BNC2: variants seen among roughly 807,000 people sequenced by gnomAD.
BNC2 encodes basonuclin zinc finger protein 2.
A neutral mutation model predicts 76.3 loss-of-function variants in BNC2; 20 were observed. The ratio of observed to expected loss-of-function variants is 0.26; its 90% CI spans 0.18 to 0.38. BNC2 has a LOEUF of 0.38. BNC2 is among the 10% of genes least tolerant of loss of function. BNC2 has a pLI of 1.00. For missense variants in BNC2, 1,382 were observed against 1,399.8 expected (o/e 0.99, Z 0.20); for synonymous variants, 582 against 514.8 (o/e 1.13, Z -1.77).
intron 3 of BNC2, among the ~76,000 whole-genome samples, chr9:16,669,337 G>C (rs1822403997): frequency 6.6e-6 from 1 of 152,074 alleles, no homozygotes; most frequent in Non-Finnish European, 1.5e-5. Context: ...CACACCCCCA[G>C]GTTACATTTT....
chr9:16,614,214 C>T (rs10756770), intron 3 of BNC2, among the ~76,000 whole-genome samples: 132,508 of 152,042 alleles, frequency 0.87, 58,890 homozygotes, highest in East Asian at 0.98. Context: ...CTGAGATCTA[C>T]GGAAGAACTT....
chr9:16,836,788 C>G (rs1035169970), intron 1 of BNC2, among the ~76,000 whole-genome samples: 1 of 151,230 alleles, frequency 6.6e-6, no homozygotes, highest in African/African-American at 2.4e-5. Flanking sequence ...GTAGAAGAAC[C>G]AACCTCAAAA....
intron 3 of BNC2, among the ~76,000 whole-genome samples, chr9:16,700,317 GGGA>G (rs1384100422): frequency 6.6e-6 from 1 of 151,766 alleles, no homozygotes; most frequent in Non-Finnish European, 1.5e-5. Flanking sequence ...GGGAAGCCGA[GGGA>G]GGAGGACTGC....
At chr9:16,693,346 G>T (rs1332870436) in intron 3 of BNC2, among the ~76,000 whole-genome samples, 3 of 152,126 alleles carry the variant, frequency 2.0e-5, no homozygotes, top group African/African-American at 7.2e-5. Flanking sequence ...CCAACCCTCT[G>T]GGGGTGGGCA....
At chr9:16,421,133 T>C in intron 6 of BNC2, 2 of 364,202 alleles carry the variant, frequency 5.5e-6, no homozygotes, top group Non-Finnish European at 9.2e-6. Flanking sequence ...GAGAGGTATG[T>C]GCCTCAGAGA....
chr9:16,770,987 A>G (rs1825818429), intron 1 of BNC2, among the ~76,000 whole-genome samples: 1 of 152,146 alleles, frequency 6.6e-6, no homozygotes, highest in Admixed American at 6.5e-5. Context: ...CCTGGCCAAC[A>G]TGGCGAAACC....
At chr9:16,428,877 A>T (rs1820851960) in intron 6 of BNC2, among the ~76,000 whole-genome samples, 1 of 152,236 alleles carries the variant, frequency 6.6e-6, no homozygotes, top group Non-Finnish European at 1.5e-5. Context: ...GCATTAGGAC[A>T]TAAAATCTAG....
intron 3 of BNC2, among the ~76,000 whole-genome samples, chr9:16,653,055 C>G (rs192294435): frequency 2.6e-4 from 39 of 152,230 alleles, no homozygotes; most frequent in Non-Finnish European, 1.9e-4. Context: ...CTCCAAATTA[C>G]AAACTAGTAT....
At chr9:16,725,780 ATTACT>A (rs1178852627) in intron 3 of BNC2, among the ~76,000 whole-genome samples, 2 of 152,164 alleles carry the variant, frequency 1.3e-5, no homozygotes, top group Admixed American at 6.5e-5. Context: ...CATCATTTAT[ATTACT>A]TTATTTGTTT....
At chr9:16,805,014 A>G (rs1817870720) in intron 1 of BNC2, among the ~76,000 whole-genome samples, 1 of 152,084 alleles carries the variant, frequency 6.6e-6, no homozygotes. Flanking sequence ...GTGAGCCGAG[A>G]CCACGCCATT....
At position 16,436,637 on chromosome 9, in the gene BNC2, G is replaced by A. The variant is rs1337385906; in HGVS notation, c.1557C>T (p.Thr519=). ...DLIRATSGAA[T]PVIASTKSNL... ...TTGATTTTGTACTTGCTATGACAGG[G>A]GTGGCAGCTCCTGAGGTGGCCCGAA... Residue 519 remains threonine, a synonymous_variant, in exon 6 of 7, where the codon ACC becomes ACT. Coordinates refer to ENST00000380672, the MANE Select transcript of BNC2 (RefSeq NM_017637.6). 2 of 1,613,948 alleles carry A rather than the reference G, an allele frequency of 1.2e-6. No individual in the cohort carries two copies. Among genetic ancestry groups the A allele is most frequent in the African/African-American group, 1.3e-5 (1 of 74,870 alleles).
At chr9:16,807,068 C>A (rs753746406) in intron 1 of BNC2, among the ~76,000 whole-genome samples, 33 of 152,244 alleles carry the variant, frequency 2.2e-4, no homozygotes, top group Middle Eastern at 6.8e-3. Flanking sequence ...TGACTAATAT[C>A]ATGATTATTA....
intron 1 of BNC2, among the ~76,000 whole-genome samples, chr9:16,797,406 C>T (rs532362872): frequency 1.4e-4 from 22 of 152,260 alleles, no homozygotes; most frequent in African/African-American, 5.3e-4. Flanking sequence ...CATATATGCC[C>T]CTCCCAATCC....
intron 2 of BNC2, among the ~76,000 whole-genome samples, chr9:16,734,212 G>T (rs1209755578): frequency 6.6e-6 from 1 of 152,136 alleles, no homozygotes; most frequent in African/African-American, 2.4e-5. Flanking sequence ...CCAACTACTG[G>T]ATCTAACCTA....
intron 5 of BNC2, among the ~76,000 whole-genome samples, chr9:16,494,765 G>C (rs1822351332): frequency 6.6e-6 from 1 of 152,072 alleles, no homozygotes; most frequent in South Asian, 2.1e-4. Flanking sequence ...CCGTGTAGAA[G>C]AGTTTGGATT....
chr9:16,513,203 A>T (rs1822800015), intron 5 of BNC2, among the ~76,000 whole-genome samples: 1 of 152,112 alleles, frequency 6.6e-6, no homozygotes, highest in African/African-American at 2.4e-5. Context: ...AAAGGTATAG[A>T]ATGTTATTTA....
intron 3 of BNC2, among the ~76,000 whole-genome samples, chr9:16,670,083 A>G (rs775885060): frequency 3.9e-5 from 6 of 152,220 alleles, no homozygotes; most frequent in Admixed American, 6.5e-5. Flanking sequence ...TAATGTTTCA[A>G]TCCCACTGGG....
intron 3 of BNC2, among the ~76,000 whole-genome samples, chr9:16,714,537 C>T (rs1010002163): frequency 3.3e-5 from 5 of 152,250 alleles, no homozygotes; most frequent in African/African-American, 1.2e-4. Flanking sequence ...ATCTGACTTA[C>T]TCTAACACAA....
intron 1 of BNC2, among the ~76,000 whole-genome samples, chr9:16,760,548 C>G (rs377110849): frequency 8.5e-5 from 13 of 152,182 alleles, no homozygotes; most frequent in African/African-American, 2.9e-4. Context: ...TAAATCCAAG[C>G]CTGGTTAGCA....
Sources: allele counts gnomAD v4.1 joint callset (sites outside exome capture counted in the v4.1 genomes callset), GRCh38; gene constraint gnomAD v4.1.1; transcripts MANE v1.5; gene names NCBI Gene and HGNC (gene_info 2026-07-23, HGNC 2026-07-21).